The following ABLIM2 variants were observed in gnomAD, a reference collection of about 807,000 sequenced individuals.
The protein encoded by ABLIM2 is actin-binding LIM protein 2.
In ABLIM2, 53 loss-of-function variants were observed where a neutral mutation model predicts 97.7. The observed-to-expected ratio is 0.54, with a 90% CI of 0.44 to 0.68. The LOEUF is 0.68. ABLIM2 is among the 30% of genes least tolerant of loss of function. The pLI is 0.00. For missense variants in ABLIM2, 835 were observed against 867.2 expected (o/e 0.96, Z 0.47); for synonymous variants, 361 against 345.8 (o/e 1.04, Z -0.49).
chr4:7,988,157 G>C (rs1000814238), intron 17 of ABLIM2, among the ~76,000 whole-genome samples: 4 of 152,112 alleles, frequency 2.6e-5, no homozygotes, highest in African/African-American at 9.7e-5. Context: ...TGAGTAGCTG[G>C]GATTACAGGC....
intron 14 of ABLIM2, among the ~76,000 whole-genome samples, chr4:8,012,338 T>A (rs1462584420): frequency 6.8e-6 from 1 of 147,670 alleles, no homozygotes; most frequent in Non-Finnish European, 1.5e-5. Flanking sequence ...CACCCACCCA[T>A]CCACCCATCT....
At chr4:8,059,327 A>G (rs949365066) in intron 7 of ABLIM2, among the ~76,000 whole-genome samples, 1 of 151,998 alleles carries the variant, frequency 6.6e-6, no homozygotes, top group Non-Finnish European at 1.5e-5. Context: ...CAGCAGACTC[A>G]GAAAAGCATT....
At chr4:8,154,786 T>C (rs915013850) in intron 1 of ABLIM2, among the ~76,000 whole-genome samples, 1 of 152,214 alleles carries the variant, frequency 6.6e-6, no homozygotes, top group African/African-American at 2.4e-5. Context: ...TATTAGTCTG[T>C]TCTCATGCTG....
rs1027884701 is a variant in ABLIM2 at position 8,058,130 on chromosome 4, C to T, written c.763+2837G>A. 5.9e-5 allele frequency among the ~76,000 whole-genome samples: 9 copies of T among 152,218 alleles called. No individual in the cohort carries two copies. Among genetic ancestry groups the T allele is most frequent in the Admixed American group, 2.0e-4 (3 of 15,286 alleles). The stretch of plus-strand genomic sequence containing the variant: ...TACCCTTGATGTGAACTCGTGTCCC[C>T]GAGCTGCTGTCCCAAGGCCATTGTG... On this transcript the variant is annotated intron_variant, in intron 7 of 20. Transcript: ENST00000447017. The surrounding 1 kb of genome is among the most constrained non-coding windows in gnomAD (Gnocchi z 4.2).
chr4:8,018,007 A>G (rs561109031), intron 14 of ABLIM2, among the ~76,000 whole-genome samples: 17 of 151,404 alleles, frequency 1.1e-4, no homozygotes, highest in Admixed American at 1.0e-3. Flanking sequence ...AAAAAAAAAA[A>G]GCACAAAGAC....
chr4:8,143,655 TC>T (rs888733670), intron 1 of ABLIM2, among the ~76,000 whole-genome samples: 1 of 152,108 alleles, frequency 6.6e-6, no homozygotes, highest in Admixed American at 6.5e-5. Context: ...ACAGCCTGCC[TC>T]CCTGAGAAGT....
chr4:7,995,009 G>A (rs1302962829), intron 16 of ABLIM2, among the ~76,000 whole-genome samples: 2 of 109,134 alleles, frequency 1.8e-5, no homozygotes, highest in Admixed American at 9.9e-5. Flanking sequence ...TCAAAAAGTG[G>A]GCGAAGGACA....
intron 4 of ABLIM2, 137 bp from the exon 5 acceptor site, chr4:8,080,939 G>A: frequency 9.0e-7 from 1 of 1,110,772 alleles, no homozygotes; most frequent in Non-Finnish European, 1.3e-6. Flanking sequence ...CAGCGAGTGT[G>A]CTTGGAGGAG....
At chr4:7,968,025 A>G (rs2149309795) in intron 20 of ABLIM2, among the ~76,000 whole-genome samples, 1 of 152,324 alleles carries the variant, frequency 6.6e-6, no homozygotes, top group South Asian at 2.1e-4. Flanking sequence ...GCTCTGAGAA[A>G]CCCCGCATCC....
rs540240933 is a variant in ABLIM2 at position 8,072,206 on chromosome 4, G to C, written c.675+5422C>G. 2.0e-5 allele frequency among the ~76,000 whole-genome samples: 3 copies of C among 152,342 alleles called. No homozygotes were observed. The South Asian group carries it at 6.2e-4, about 32-fold the overall frequency. On this transcript the variant is annotated intron_variant, in intron 6 of 20. Coordinates refer to ENST00000447017, the MANE Select transcript of ABLIM2 (RefSeq NM_001130083.2). This position sits in a 1 kb window ranked among gnomAD's most constrained non-coding sequence, Gnocchi z 5.8. ...GTTTTGCTCCTGTTCCTCGAATTAG[G>C]ATGGTTCCTTCCCGATGAACCAGGG...
intron 12 of ABLIM2, among the ~76,000 whole-genome samples, chr4:8,026,407 G>C (rs1393853571): frequency 1.3e-5 from 2 of 152,228 alleles, no homozygotes; most frequent in Admixed American, 6.5e-5. Flanking sequence ...GGAACTCTCA[G>C]TAGGCCACGG....
Position 8,154,915 on chromosome 4 carries a change from G to A in ABLIM2, c.10+3765C>T, listed in dbSNP as rs142658981. On this transcript the variant is annotated intron_variant, in intron 1 of 20. Coordinates refer to ENST00000447017, the MANE Select transcript of ABLIM2 (RefSeq NM_001130083.2). ...GGCGGAAGACGAAGGAGGGGCAAAG[G>A]GACGTCTCACATGGCAGCAGGCAAG... is the stretch of plus-strand genomic sequence containing the variant. Among the ~76,000 whole-genome samples the A allele has an allele frequency of 1.6e-3, 251 of 152,340 alleles. 5 individuals carry two copies. In the Middle Eastern group the frequency reaches 0.051, roughly 31 times the overall value.
At chr4:7,973,511 AAAG>A (rs869285534) in intron 20 of ABLIM2, among the ~76,000 whole-genome samples, 110 of 151,908 alleles carry the variant, frequency 7.2e-4, no homozygotes, top group African/African-American at 2.4e-3. Context: ...GAAAAAAAAA[AAAG>A]AGAGAAAAAA....
intron 8 of ABLIM2, among the ~76,000 whole-genome samples, chr4:8,052,764 C>T (rs1335049513): frequency 1.3e-5 from 2 of 152,268 alleles, no homozygotes; most frequent in Non-Finnish European, 2.9e-5. Flanking sequence ...CTGTCCTGAA[C>T]CCCATCAGAC....
intron 3 of ABLIM2, among the ~76,000 whole-genome samples, chr4:8,091,330 TTATATATATAA>T (rs1428965601): frequency 6.4e-5 from 3 of 46,770 alleles, no homozygotes; most frequent in Non-Finnish European, 1.1e-4. Context: ...TATATATATA[TTATATATATAA>T]TATATATATA....
chr4:8,127,559 CT>C lies in ABLIM2; in HGVS notation c.11-20923del, dbSNP rs1221779260. 4 of 1,289,700 alleles carry C rather than the reference CT, an allele frequency of 3.1e-6. No individual in the cohort carries two copies. The highest frequency in any genetic ancestry group is 4.0e-6 in the Non-Finnish European group (4 of 988,850). The allele number at this position is 1,289,700 out of a possible 1,614,324, so 79.9% of individuals were successfully genotyped here. Reference sequence around the variant, plus strand: ...TTTGGGGATTTACCTGTGTCTCCCCCTGGCACCCCCATGGAGCGTGGCTGCT... The same window carrying C: ...TTTGGGGATTTACCTGTGTCTCCCCCGGCACCCCCATGGAGCGTGGCTGCT... On this transcript the variant is annotated intron_variant, in intron 1 of 20. Coordinates refer to ENST00000447017, the MANE Select transcript of ABLIM2 (RefSeq NM_001130083.2). This position sits in a 1 kb window ranked among gnomAD's most constrained non-coding sequence, Gnocchi z 7.3.
intron 1 of ABLIM2, among the ~76,000 whole-genome samples, chr4:8,138,998 A>T (rs2152941558): frequency 6.6e-6 from 1 of 152,358 alleles, no homozygotes; most frequent in Admixed American, 6.5e-5. Context: ...GGAGTTCAAG[A>T]CCAGCCTGGC....
chr4:8,099,858 A>G (rs753876107), intron 2 of ABLIM2, among the ~76,000 whole-genome samples: 1 of 152,190 alleles, frequency 6.6e-6, no homozygotes, highest in Non-Finnish European at 1.5e-5. Flanking sequence ...ACAAAAAACA[A>G]AACAGCAACA....
intron 20 of ABLIM2, among the ~76,000 whole-genome samples, chr4:7,977,794 A>AAATAAATAAATGAATG (rs879280094): frequency 2.0e-5 from 3 of 147,546 alleles, no homozygotes; most frequent in Non-Finnish European, 4.5e-5. Context: ...CTGTCTCAAT[A>AAATAAATAAATGAATG]AATAAATAAA....
Sources: allele counts gnomAD v4.1 joint callset (sites outside exome capture counted in the v4.1 genomes callset), GRCh38; gene constraint gnomAD v4.1.1; non-coding constraint Gnocchi (gnomAD v3.1); transcripts MANE v1.5; gene names NCBI Gene and HGNC (gene_info 2026-07-23, HGNC 2026-07-21).